Variants in FBXW11 observed in about 807,000 individuals in gnomAD.
FBXW11 encodes F-box/WD repeat-containing protein 11.
FBXW11 carries 19 observed loss-of-function variants against 77.6 expected under a neutral mutation model. That is an observed-to-expected ratio of 0.24 (90% confidence interval 0.17 to 0.36). FBXW11 has a LOEUF of 0.36. FBXW11 is among the 10% of genes least tolerant of loss of function. FBXW11 has a pLI of 1.00. For synonymous variants in FBXW11, 235 were observed against 249.4 expected, an observed-to-expected ratio of 0.94 and a Z score of 0.54; for missense variants, 334 against 704.2, an observed-to-expected ratio of 0.47 and a Z score of 5.95.
intron 1 of FBXW11, among the ~76,000 whole-genome samples, chr5:171,985,645 GT>G (rs1231098938): frequency 6.6e-5 from 10 of 152,272 alleles, no homozygotes; most frequent in African/African-American, 2.2e-4. Context: ...GCATGCTGCT[GT>G]AGTCCCAGCT....
In FBXW11 at chr5:171,863,348, C is replaced by T. The variant is rs757008125; in HGVS notation, c.*779G>A. Reference sequence around the variant, plus strand: ...AACTTTGAGGTTAAACTGTTATGTACATTATATCTACATGCGAATACAGTA... The same window carrying T: ...AACTTTGAGGTTAAACTGTTATGTATATTATATCTACATGCGAATACAGTA... On this transcript the variant is annotated 3_prime_UTR_variant, in exon 14 of 14. Coordinates refer to ENST00000517395, the MANE Select transcript of FBXW11 (RefSeq NM_001378974.1). 6.6e-6 allele frequency: 1 copy of T among 152,668 alleles called. No individual in the cohort carries two copies. Among genetic ancestry groups the T allele is most frequent in the Non-Finnish European group, 1.5e-5 (1 of 68,042 alleles). 9.5% of individuals were successfully genotyped at this position (152,668 alleles called of 1,614,324 possible).
intron 1 of FBXW11, among the ~76,000 whole-genome samples, chr5:171,971,273 A>G (rs1320738958): frequency 6.6e-6 from 1 of 152,210 alleles, no homozygotes; most frequent in Non-Finnish European, 1.5e-5. Flanking sequence ...ATGTGTACAC[A>G]TGAATATGGA....
intron 1 of FBXW11, among the ~76,000 whole-genome samples, chr5:171,973,240 C>CTGCAACACCCAGAAAGTGGGAAGT (rs2113437291): frequency 6.6e-6 from 1 of 152,268 alleles, no homozygotes; most frequent in Admixed American, 6.5e-5. Flanking sequence ...AGAACATAAT[C>CTGCAACACCCAGAAAGTGGGAAGT]TGCAACACCC....
intron 1 of FBXW11, among the ~76,000 whole-genome samples, chr5:171,995,269 A>G (rs988863637): frequency 7.2e-4 from 110 of 152,192 alleles, no homozygotes; most frequent in African/African-American, 2.6e-3. Flanking sequence ...GGAACTGAGA[A>G]GATATAGGTT....
rs1765105388 is a variant in FBXW11 at position 171,980,896 on chromosome 5, G to A, written c.46-23198C>T. The stretch of plus-strand genomic sequence containing the variant: ...ATTGCCTGAGTGATAGTATTGAGAG[G>A]AGCATCTTTTGTTATTCAAAATAAG... On this transcript the variant is annotated intron_variant, in intron 1 of 13. Transcript: ENST00000517395. 2.6e-5 allele frequency among the ~76,000 whole-genome samples: 4 copies of A among 152,100 alleles called. No individual in the cohort carries two copies. The South Asian group carries it at 6.2e-4, about 24-fold the overall frequency.
In FBXW11 at chr5:171,891,701, G is replaced by C. The variant is rs531447287; in HGVS notation, c.715-97C>G. The C allele has an allele frequency of 2.2e-5, 27 of 1,224,144 alleles. No individual in the cohort carries two copies. The African/African-American group carries it at 3.4e-4, about 15-fold the overall frequency. The allele number at this position is 1,224,144 out of a possible 1,614,324, so 75.8% of individuals were successfully genotyped here. On this transcript the variant is annotated intron_variant, in intron 6 of 13. Coordinates refer to ENST00000517395, the MANE Select transcript of FBXW11 (RefSeq NM_001378974.1). ...TTGCTTCCAGAAACAGCATACCACC[G>C]ATACCCCAATCTTGGTTTGCATAAC...
At chr5:171,985,717 T>C (rs1369295060) in intron 1 of FBXW11, among the ~76,000 whole-genome samples, 1 of 152,162 alleles carries the variant, frequency 6.6e-6, no homozygotes, top group Non-Finnish European at 1.5e-5. Flanking sequence ...CAGTAAGCTA[T>C]GACTGCACCT....
At chr5:171,879,200 CATACAGT>C (rs1758340571) in intron 7 of FBXW11, among the ~76,000 whole-genome samples, 1 of 152,350 alleles carries the variant, frequency 6.6e-6, no homozygotes, top group African/African-American at 2.4e-5. Context: ...GATTTGGAAT[CATACAGT>C]ATGTAGCCTT....
intron 1 of FBXW11, among the ~76,000 whole-genome samples, chr5:171,994,067 T>G (rs1051426803): frequency 6.6e-6 from 1 of 152,220 alleles, no homozygotes; most frequent in Admixed American, 6.5e-5. Flanking sequence ...AGCTAGACTG[T>G]TTTCTACAGA....
chr5:171,898,581 A>G (rs2113874900), intron 6 of FBXW11, among the ~76,000 whole-genome samples: 1 of 152,270 alleles, frequency 6.6e-6, no homozygotes, highest in East Asian at 1.9e-4. Context: ...ATGATATCTG[A>G]GTCATGTTTA....
Position 171,876,708 on chromosome 5 carries a change from T to C in FBXW11, c.972-174A>G, listed in dbSNP as rs1429084742. Among the ~76,000 whole-genome samples the C allele has an allele frequency of 6.6e-6, 1 of 152,160 alleles. No homozygotes were observed. Among genetic ancestry groups the C allele is most frequent in the East Asian group, 1.9e-4 (1 of 5,188 alleles). ...GAGGTGGGGCCTGGCAGGAGATGTT[T>C]TGGGTCATGGTGGTGTATCACTCAT... On this transcript the variant is annotated intron_variant, in intron 8 of 13. Coordinates refer to ENST00000517395, the MANE Select transcript of FBXW11 (RefSeq NM_001378974.1). This position sits in a 1 kb window ranked among gnomAD's most constrained non-coding sequence, Gnocchi z 4.2.
chr5:171,870,885 A>G, intron 10 of FBXW11, 27 bp from the exon 11 acceptor site: 1 of 1,519,164 alleles, frequency 6.6e-7, no homozygotes. Context: ...ACCTCTGTGA[A>G]ACAAATTCCC....
intron 2 of FBXW11, among the ~76,000 whole-genome samples, chr5:171,945,189 A>G (rs554930333): frequency 1.3e-5 from 2 of 152,356 alleles, no homozygotes; most frequent in South Asian, 4.1e-4. Flanking sequence ...GCAGGAAGCT[A>G]TTTTCAATTG....
intron 1 of FBXW11, among the ~76,000 whole-genome samples, chr5:171,986,622 GAGGCTGAGATAGGAGAATCGCTTGAA>G (rs1765457904): frequency 6.6e-6 from 1 of 151,890 alleles, no homozygotes; most frequent in Admixed American, 6.6e-5. Flanking sequence ...AGCTACTTAG[GAGGCTGAGATAGGAGAATCGCTTGAA>G]CCTAGGAAGT....
chr5:171,877,820 AG>A (rs1303547377), intron 8 of FBXW11, among the ~76,000 whole-genome samples, 190 bp downstream of exon 8: 1 of 152,240 alleles, frequency 6.6e-6, no homozygotes, highest in Non-Finnish European at 1.5e-5. Context: ...GAACAGCAAT[AG>A]GAATAGAACA....
At chr5:171,973,849 TATTA>T (rs1290629202) in intron 1 of FBXW11, among the ~76,000 whole-genome samples, 1 of 152,176 alleles carries the variant, frequency 6.6e-6, no homozygotes, top group Non-Finnish European at 1.5e-5. Flanking sequence ...AAAAATAGAC[TATTA>T]ATTTAAAATA....
chr5:171,875,987 A>G (rs1162330110), intron 9 of FBXW11, among the ~76,000 whole-genome samples: 4 of 152,194 alleles, frequency 2.6e-5, no homozygotes, highest in Admixed American at 1.3e-4. Context: ...TGAGACCATA[A>G]TGTAAAGCTC....
intron 4 of FBXW11, 31 bp downstream of exon 4, chr5:171,910,541 G>T: frequency 6.4e-7 from 1 of 1,552,038 alleles, no homozygotes; most frequent in Non-Finnish European, 8.8e-7. Flanking sequence ...TTCTTCAACT[G>T]CTCAGCTTTT....
chr5:171,999,044 T>C (rs999022749), intron 1 of FBXW11, among the ~76,000 whole-genome samples: 1 of 152,096 alleles, frequency 6.6e-6, no homozygotes, highest in African/African-American at 2.4e-5. Flanking sequence ...AACCTCGCCA[T>C]AACAATCAGA....
Sources: allele counts gnomAD v4.1 joint callset (sites outside exome capture counted in the v4.1 genomes callset), GRCh38; gene constraint gnomAD v4.1.1; non-coding constraint Gnocchi (gnomAD v3.1); transcripts MANE v1.5; gene names NCBI Gene and HGNC (gene_info 2026-07-23, HGNC 2026-07-21).